Variants in TUBGCP3 observed in about 807,000 individuals in gnomAD.
TUBGCP3 encodes tubulin gamma complex component 3.
TUBGCP3 carries 50 observed loss-of-function variants against 123.1 expected under a neutral mutation model. The ratio of observed to expected loss-of-function variants is 0.41; its 90% CI spans 0.32 to 0.51. The LOEUF is 0.51. Ranked by LOEUF, TUBGCP3 falls within the 20% of genes least tolerant of loss-of-function variation. The pLI, the probability that TUBGCP3 is intolerant of heterozygous loss-of-function variation, is 0.36. For missense variants in TUBGCP3, 882 were observed against 1,127.0 expected (o/e 0.78, Z 3.11); for synonymous variants, 405 against 413.9 (o/e 0.98, Z 0.26).
At chr13:112,578,257 G>C (rs1461096530) in intron 1 of TUBGCP3, among the ~76,000 whole-genome samples, 1 of 152,096 alleles carries the variant, frequency 6.6e-6, no homozygotes, top group Non-Finnish European at 1.5e-5. Context: ...ATTGTATCTT[G>C]AGTTAAAAGA....
chr13:112,513,514 C>T (rs1180917666), intron 17 of TUBGCP3, among the ~76,000 whole-genome samples: 4 of 152,236 alleles, frequency 2.6e-5, no homozygotes, highest in African/African-American at 9.6e-5. Flanking sequence ...AGGGTGATAA[C>T]TGTTGATACT....
At chr13:112,489,753 G>A (rs1450762200) in intron 20 of TUBGCP3, 56 bp from the exon 21 acceptor site, 2 of 1,445,968 alleles carry the variant, frequency 1.4e-6, no homozygotes, top group East Asian at 2.3e-5. Flanking sequence ...ACAGATTACA[G>A]AGTAGGGCTG....
intron 20 of TUBGCP3, among the ~76,000 whole-genome samples, chr13:112,491,411 T>C (rs752563708): frequency 1.3e-5 from 2 of 152,200 alleles, no homozygotes; most frequent in African/African-American, 2.4e-5. Context: ...AGTACTGATA[T>C]GGCACAAGCT....
intron 3 of TUBGCP3, among the ~76,000 whole-genome samples, chr13:112,560,900 A>G (rs539749665): frequency 8.5e-5 from 13 of 152,312 alleles, no homozygotes; most frequent in East Asian, 5.8e-4. Context: ...ATGGCACTTC[A>G]CAGCTCACAA....
rs1880019353 is a variant in TUBGCP3 at position 112,556,156 on chromosome 13, G to GCCCCT, written c.616_617insAGGGG (p.Thr206LysfsTer4). 1 of 1,614,006 alleles carries GCCCCT rather than the reference G, an allele frequency of 6.2e-7. No homozygotes were observed. Among genetic ancestry groups the GCCCCT allele is most frequent in the Non-Finnish European group, 8.5e-7 (1 of 1,180,008 alleles). ...TGAAGAAGGCTGATTTGCAGTTAAA[G>GCCCCT]TCCATGCGAGTCGTGACCCCAACTG... On this transcript the variant is annotated frameshift_variant, in exon 6 of 22. Transcript: ENST00000261965. LOFTEE classifies it high-confidence loss of function.
chr13:112,523,190 A>G (rs1244325067), intron 13 of TUBGCP3, among the ~76,000 whole-genome samples: 1 of 152,240 alleles, frequency 6.6e-6, no homozygotes, highest in African/African-American at 2.4e-5. Flanking sequence ...CATTAAACCC[A>G]CAATAATACT....
chr13:112,553,073 G>A (rs984106749), intron 8 of TUBGCP3, among the ~76,000 whole-genome samples: 4 of 144,056 alleles, frequency 2.8e-5, no homozygotes, highest in Non-Finnish European at 6.0e-5. Flanking sequence ...TCCCAGCCAC[G>A]TTCTTACCCA....
rs1594174261 is a variant in TUBGCP3 at position 112,545,075 on chromosome 13, A to G, written c.1335+624T>C. ...AAGCGCCAGGGTTTTTCCAAGGCCA[A>G]TGTGATATTTATGGCAGTGCTTATG... On this transcript the variant is annotated intron_variant, in intron 11 of 21. Coordinates refer to ENST00000261965, the MANE Select transcript of TUBGCP3 (RefSeq NM_006322.6). This position sits in a 1 kb window ranked among gnomAD's most constrained non-coding sequence, Gnocchi z 4.1. The G allele has an allele frequency of 1.3e-5, 2 of 152,472 alleles. No homozygotes were observed. The highest frequency in any genetic ancestry group is 2.4e-5 in the African/African-American group (1 of 41,466). The allele number at this position is 152,472 out of a possible 1,614,324, so 9.4% of individuals were successfully genotyped here. A position where few individuals can be genotyped will look rare whatever the true frequency, so the allele number is the denominator to read the frequency against.
At position 112,495,671 on chromosome 13, in the gene TUBGCP3, C is replaced by T. The variant is rs73566316; in HGVS notation, c.2448+3374G>A. On this transcript the variant is annotated intron_variant, in intron 20 of 21. Coordinates refer to ENST00000261965, the MANE Select transcript of TUBGCP3 (RefSeq NM_006322.6). Reference sequence around the variant, plus strand: ...ATAATACTGTGGATTTCCCAATCCACGTTTACAAGGGAGACTAGGACACAG... The same window carrying T: ...ATAATACTGTGGATTTCCCAATCCATGTTTACAAGGGAGACTAGGACACAG... Among the ~76,000 whole-genome samples, 1,358 of 152,228 alleles carry T rather than the reference C, an allele frequency of 8.9e-3. 16 individuals carry two copies. The highest frequency in any genetic ancestry group is 0.031 in the African/African-American group (1,290 of 41,524).
intron 17 of TUBGCP3, among the ~76,000 whole-genome samples, chr13:112,512,239 A>T (rs778502892): frequency 2.3e-4 from 35 of 149,650 alleles, no homozygotes; most frequent in Non-Finnish European, 4.2e-4. Context: ...TGGCCAACAT[A>T]GTGAAAACCC....
At position 112,519,071 on chromosome 13, in the gene TUBGCP3, C is replaced by T. The variant is rs757958306; in HGVS notation, c.1882-28G>A. The T allele has an allele frequency of 6.3e-7, 1 of 1,581,832 alleles. No homozygotes were observed. The highest frequency in any genetic ancestry group is 1.7e-5 in the Admixed American group (1 of 59,900). ...AACAACAGAAACAAACACATAATTG[C>T]AAGACCTTAAGCTTCTTGCTGAAGA... On this transcript the variant is annotated intron_variant, in intron 15 of 21. Transcript: ENST00000261965. This position sits in a 1 kb window ranked among gnomAD's most constrained non-coding sequence, Gnocchi z 6.2.
At chr13:112,517,695 A>T (rs969057268) in intron 16 of TUBGCP3, among the ~76,000 whole-genome samples, 1 of 152,204 alleles carries the variant, frequency 6.6e-6, no homozygotes. Flanking sequence ...GTTTGAGACC[A>T]GCCTGGCCAA....
chr13:112,550,817 G>A (rs1037651284), intron 8 of TUBGCP3, among the ~76,000 whole-genome samples: 9 of 152,180 alleles, frequency 5.9e-5, no homozygotes, highest in African/African-American at 1.7e-4. Context: ...TGAAATATGC[G>A]GCCAGGTGCG....
intron 8 of TUBGCP3, among the ~76,000 whole-genome samples, chr13:112,553,129 T>C (rs1879725736): frequency 6.6e-6 from 1 of 150,752 alleles, no homozygotes; most frequent in African/African-American, 2.4e-5. Flanking sequence ...ACCACATGCC[T>C]AATCACCAGC....
At chr13:112,542,522 TAA>T (rs1878607035) in intron 11 of TUBGCP3, among the ~76,000 whole-genome samples, 1 of 152,252 alleles carries the variant, frequency 6.6e-6, no homozygotes, top group Admixed American at 6.5e-5. Flanking sequence ...TCTAGAACTT[TAA>T]GTCAATTCAA....
intron 20 of TUBGCP3, among the ~76,000 whole-genome samples, chr13:112,496,151 T>C (rs985787894): frequency 6.6e-6 from 1 of 152,218 alleles, no homozygotes; most frequent in African/African-American, 2.4e-5. Flanking sequence ...AAACCAATGT[T>C]TTCAACACTG....
upstream of TUBGCP3, among the ~76,000 whole-genome samples, chr13:112,590,728 T>A (rs1408202681): frequency 6.6e-6 from 1 of 152,230 alleles, no homozygotes; most frequent in Admixed American, 6.5e-5. Context: ...CTGGCCCATT[T>A]TCCAGCATTT....
intron 8 of TUBGCP3, among the ~76,000 whole-genome samples, chr13:112,549,769 C>T (rs1205939512): frequency 1.3e-5 from 2 of 151,916 alleles, no homozygotes; most frequent in East Asian, 3.9e-4. Context: ...GCGGGCGGAT[C>T]ACGAGGCCAG....
chr13:112,587,971 G>A lies in TUBGCP3; in HGVS notation c.10C>T (p.Pro4Ser), dbSNP rs369525210. 3.7e-5 allele frequency: 58 copies of A among 1,587,686 alleles called. No individual in the cohort carries two copies. The African/African-American group carries it at 6.9e-4, about 19-fold the overall frequency. Residue 4 changes from proline (P) to serine (S), a missense_variant, in exon 1 of 22, where the codon CCG (proline) becomes TCG (serine). Pro to Ser is a moderately conservative substitution (Grantham distance 74). This residue lies in a region of TUBGCP3 where 713 missense variants were observed against 874.0 expected (regional missense o/e 0.82). Coordinates refer to ENST00000261965, the MANE Select transcript of TUBGCP3 (RefSeq NM_006322.6). MAT[P>S]DQKSPNVLLQ... ...AGAACGTTCGGCGACTTCTGGTCCG[G>A]GGTCGCCATCCTCGCCCGGAGCCGT...
Sources: allele counts gnomAD v4.1 joint callset (sites outside exome capture counted in the v4.1 genomes callset), GRCh38; gene constraint gnomAD v4.1.1; regional missense constraint gnomAD v4.1.1; non-coding constraint Gnocchi (gnomAD v3.1); transcripts MANE v1.5; gene names NCBI Gene and HGNC (gene_info 2026-07-23, HGNC 2026-07-21).